Variants in NFAT5 observed in about 807,000 individuals in gnomAD.
The protein encoded by NFAT5 is nuclear factor of activated T cells 5, also known as nuclear factor of activated T-cells 5.
Under a neutral mutation model 166.5 loss-of-function variants are expected in NFAT5, and 31 were observed. The ratio of observed to expected loss-of-function variants is 0.19; its 90% CI spans 0.14 to 0.25. The LOEUF (loss-of-function observed/expected upper bound fraction) is 0.25. Among genes scored for constraint, NFAT5 ranks in the 10% least tolerant of loss-of-function variants. The probability of loss-of-function intolerance (pLI) is 1.00; values close to 1 mark genes in which losing one functional copy is unlikely to be tolerated. For missense variants in NFAT5, 1,449 were observed against 1,821.8 expected (o/e 0.80, Z 3.72); for synonymous variants, 612 against 639.7 (o/e 0.96, Z 0.65).
intron 2 of NFAT5, among the ~76,000 whole-genome samples, chr16:69,580,567 G>C (rs963371229): frequency 6.6e-6 from 1 of 151,434 alleles, no homozygotes. Context: ...ACTGTGTTGC[G>C]CAGGGTTTAT....
chr16:69,594,947 T>C (rs1194031595), intron 2 of NFAT5, among the ~76,000 whole-genome samples: 1 of 152,300 alleles, frequency 6.6e-6, no homozygotes, highest in East Asian at 1.9e-4. Context: ...GAGAGAGATG[T>C]AGGCTGAGAG....
In NFAT5 at chr16:69,693,420, G is replaced by A. The variant is rs750921653; in HGVS notation, c.3595G>A (p.Ala1199Thr). 1 of 1,614,176 alleles carries A rather than the reference G, an allele frequency of 6.2e-7. No individual in the cohort carries two copies. The highest frequency in any genetic ancestry group is 1.7e-5 in the Admixed American group (1 of 60,034). ...QSTSNSEQQA[A>T]FQQQAPISHI... is the part of the protein sequence containing the mutation. Reference sequence around the variant, plus strand: ...AACATCAAACAGTGAACAACAAGCTGCTTTCCAACAGCAAGCTCCAATATC... The same window carrying A: ...AACATCAAACAGTGAACAACAAGCTACTTTCCAACAGCAAGCTCCAATATC... Residue 1199 changes from alanine to threonine, a missense_variant, in exon 13 of 15, where the codon GCT becomes ACT. By Grantham distance (58) the Ala-to-Thr change is moderately conservative. Transcript: ENST00000349945.
rs2036047139 is a variant in NFAT5, at chr16:69,659,855, G to C, written c.1325G>C (p.Gly442Ala). The change falls in exon 7 of 15, where the codon GGC (glycine) becomes GCC (alanine). Residue 442 changes from glycine (G) to alanine (A), a missense_variant. Physicochemically the swap from Gly to Ala is moderately conservative, Grantham distance 60. Around this residue, in one of 7 missense-constraint regions of NFAT5, gnomAD observed 245 missense variants for 366.6 expected, o/e 0.67. Transcript: ENST00000349945. ...VFRVNIMRKD[G>A]STLTLQTPSS... ...CGAGTTAATATCATGAGGAAAGATG[G>C]CTCCACTTTGACACTGCAAACACCC... 6.2e-7 allele frequency: 1 copy of C among 1,613,908 alleles called. No individual in the cohort carries two copies. Among genetic ancestry groups the C allele is most frequent in the East Asian group, 2.2e-5 (1 of 44,874 alleles).
At chr16:69,591,391 G>A (rs1250429650) in intron 2 of NFAT5, among the ~76,000 whole-genome samples, 1 of 150,234 alleles carries the variant, frequency 6.7e-6, no homozygotes, top group Non-Finnish European at 1.5e-5. Flanking sequence ...ATTATTTACT[G>A]TTTTATGAAA....
At chr16:69,569,389 A>C (rs1214800969) in intron 2 of NFAT5, among the ~76,000 whole-genome samples, 1 of 151,622 alleles carries the variant, frequency 6.6e-6, no homozygotes, top group Non-Finnish European at 1.5e-5. Context: ...AGTGCTCTTT[A>C]TGCAAAGCGG....
chr16:69,688,886 A>G (rs953938245), intron 11 of NFAT5, among the ~76,000 whole-genome samples: 9 of 152,250 alleles, frequency 5.9e-5, no homozygotes, highest in African/African-American at 1.7e-4. Flanking sequence ...AACTTAAGAT[A>G]ACACTAATGG....
In NFAT5 at chr16:69,693,440, A is replaced by C. The variant is rs766761803; in HGVS notation, c.3615A>C (p.Pro1205=). 2.5e-6 allele frequency: 4 copies of C among 1,614,062 alleles called. No individual in the cohort carries two copies. The highest frequency in any genetic ancestry group is 3.4e-6 in the Non-Finnish European group (4 of 1,180,036). Residue 1205 remains proline (P), a synonymous_variant, in exon 13 of 15, where the codon CCA becomes CCC. Transcript: ENST00000349945. ...AAGCTGCTTTCCAACAGCAAGCTCCAATATCACACATCCAGACTCCTATGC... is the reference window on the plus strand; with the variant it reads ...AAGCTGCTTTCCAACAGCAAGCTCCCATATCACACATCCAGACTCCTATGC... ...EQQAAFQQQA[P]ISHIQTPMLS...
chr16:69,597,237 C>A (rs1040293736), intron 2 of NFAT5, among the ~76,000 whole-genome samples: 1 of 151,936 alleles, frequency 6.6e-6, no homozygotes, highest in African/African-American at 2.4e-5. Context: ...ATTCGGTAAA[C>A]CAAAAGCTGG....
intron 2 of NFAT5, among the ~76,000 whole-genome samples, chr16:69,577,697 T>A (rs567065932): frequency 6.6e-6 from 1 of 152,200 alleles, no homozygotes; most frequent in Non-Finnish European, 1.5e-5. Flanking sequence ...AAATGTTCTC[T>A]GTCTTGACCA....
chr16:69,589,937 G>A (rs1434266097), intron 2 of NFAT5, among the ~76,000 whole-genome samples: 4 of 152,020 alleles, frequency 2.6e-5, no homozygotes, highest in South Asian at 2.1e-4. Context: ...TGGGAGGATT[G>A]CTTGAGTCCA....
At chr16:69,645,975 A>G (rs957430172) in intron 3 of NFAT5, among the ~76,000 whole-genome samples, 2 of 152,234 alleles carry the variant, frequency 1.3e-5, no homozygotes, top group Admixed American at 1.3e-4. Flanking sequence ...TGCTAGGCAT[A>G]ACAGATAAAT....
At chr16:69,573,769 C>G (rs1361182574) in intron 2 of NFAT5, among the ~76,000 whole-genome samples, 2 of 151,816 alleles carry the variant, frequency 1.3e-5, no homozygotes, top group African/African-American at 4.8e-5. Flanking sequence ...TTTTAATTTA[C>G]TCTTGACTCT....
At chr16:69,654,530 A>G (rs2035803764) in intron 5 of NFAT5, among the ~76,000 whole-genome samples, 1 of 152,152 alleles carries the variant, frequency 6.6e-6, no homozygotes, top group South Asian at 2.1e-4. Context: ...TTGTGTAAAT[A>G]TTTGTCTAGC....
In NFAT5 at chr16:69,684,830, T is replaced by TA. The variant is rs1330949106; in HGVS notation, c.1691-56dup. ...GATATTCTAATTAAAGAATTTAAGATACGAGGTTTTTAGGATGAGTAAATG... is the reference window on the plus strand; with the variant it reads ...GATATTCTAATTAAAGAATTTAAGATAACGAGGTTTTTAGGATGAGTAAATG... On this transcript the variant is annotated intron_variant, in intron 10 of 14. Coordinates refer to ENST00000349945, the MANE Select transcript of NFAT5 (RefSeq NM_138713.4). 3.6e-6 allele frequency: 4 copies of TA among 1,106,894 alleles called. No homozygotes were observed. The African/African-American group carries it at 6.3e-5, about 18-fold the overall frequency. The allele number at this position is 1,106,894 out of a possible 1,614,324, so 68.6% of individuals were successfully genotyped here.
chr16:69,693,244 C>G lies in NFAT5; in HGVS notation c.3419C>G (p.Thr1140Ser). The G allele has an allele frequency of 6.2e-7, 1 of 1,614,208 alleles. No homozygotes were observed. Among genetic ancestry groups the G allele is most frequent in the Non-Finnish European group, 8.5e-7 (1 of 1,180,028 alleles). ...CCTCCAATGTTTCACTCTCAAAGTA[C>G]CATTGCTGTGTTACAGGGCTCTTCA... Reference protein sequence around the residue: ...MQPPMFHSQSTIAVLQGSSVP... With the variant: ...MQPPMFHSQSSIAVLQGSSVP... Residue 1140 changes from threonine (T) to serine (S), a missense_variant, in exon 13 of 15, where the codon ACC (threonine) becomes AGC (serine). By Grantham distance (58) the Thr-to-Ser change is moderately conservative. Transcript: ENST00000349945.
At chr16:69,615,189 G>A (rs978911864) in intron 2 of NFAT5, among the ~76,000 whole-genome samples, 24 of 151,904 alleles carry the variant, frequency 1.6e-4, no homozygotes, top group African/African-American at 5.8e-4. Flanking sequence ...TTACAGGCAC[G>A]TGCCACCATG....
Position 69,670,216 on chromosome 16 carries a change from TC to T in NFAT5, c.1505-19del. ...AAAAATAGTTCAAAAATTTAATAAA[TC>T]ACTTTTTATTTCAATCAGATGAAAA... On this transcript the variant is annotated intron_variant, in intron 8 of 14. Coordinates refer to ENST00000349945, the MANE Select transcript of NFAT5 (RefSeq NM_138713.4). The T allele has an allele frequency of 6.8e-7, 1 of 1,461,586 alleles. No individual in the cohort carries two copies. The highest frequency in any genetic ancestry group is 9.0e-7 in the Non-Finnish European group (1 of 1,110,464). The allele number at this position is 1,461,586 out of a possible 1,614,324, so 90.5% of individuals were successfully genotyped here.
At chr16:69,568,680 T>A in intron 2 of NFAT5, 132 bp downstream of exon 2, 1 of 594,096 alleles carries the variant, frequency 1.7e-6, no homozygotes, top group South Asian at 2.6e-5. Context: ...GTCTGATCCT[T>A]CTTTTAGAGC....
chr16:69,629,005 C>T (rs1171354106), intron 3 of NFAT5, among the ~76,000 whole-genome samples: 3 of 152,118 alleles, frequency 2.0e-5, no homozygotes, highest in East Asian at 1.9e-4. Context: ...ACCCGAGAGG[C>T]GGAGGCTGCA....
Sources: gnomAD v4.1 joint callset for allele counts (sites outside exome capture counted in the v4.1 genomes callset) on GRCh38, gnomAD v4.1.1 for gene constraint, gnomAD v4.1.1 regional missense constraint, MANE v1.5 for transcripts, NCBI Gene and HGNC (gene_info 2026-07-23, HGNC 2026-07-21) for gene names.